The following ADCY5 variants were observed in gnomAD, a reference collection of about 807,000 sequenced individuals.
ADCY5 encodes the protein adenylate cyclase 5.
ADCY5 carries 30 observed loss-of-function variants against 119.7 expected under a neutral mutation model. The observed-to-expected ratio is 0.25, with a 90% CI of 0.19 to 0.34. The LOEUF (loss-of-function observed/expected upper bound fraction) is 0.34. Ranked by LOEUF, ADCY5 falls within the 10% of genes least tolerant of loss-of-function variation. The pLI is 1.00. For missense variants in ADCY5, 1,324 were observed against 1,775.2 expected (o/e 0.75, Z 4.57); for synonymous variants, 753 against 762.2 (o/e 0.99, Z 0.20).
intron 1 of ADCY5, among the ~76,000 whole-genome samples, chr3:123,389,701 A>C (rs937555779): frequency 6.6e-6 from 1 of 152,156 alleles, no homozygotes; most frequent in Non-Finnish European, 1.5e-5. Flanking sequence ...AGAAAAACCT[A>C]TAACTTTCCC....
chr3:123,291,830 G>A (rs1939173802), intron 17 of ADCY5, among the ~76,000 whole-genome samples: 2 of 152,226 alleles, frequency 1.3e-5, no homozygotes, highest in African/African-American at 4.8e-5. Context: ...TCAAAAGCCA[G>A]AGTTACCTTA....
intron 1 of ADCY5, among the ~76,000 whole-genome samples, chr3:123,406,085 G>A (rs760632048): frequency 2.0e-5 from 3 of 152,222 alleles, no homozygotes; most frequent in South Asian, 4.1e-4. Flanking sequence ...CCAATCCAGA[G>A]GCCATACTCC....
Position 123,319,740 on chromosome 3 carries a change from A to C in ADCY5, c.2190T>G (p.Asp730Glu). Residue 730 changes from aspartate to glutamate, a missense_variant, in exon 10 of 21, where the codon GAT becomes GAG. Around this residue, in one of 6 missense-constraint regions of ADCY5, gnomAD observed 424 missense variants for 546.8 expected, o/e 0.78. Transcript: ENST00000462833. ...TGCGGACGTGCTCAGACCGAAGCCT[A>C]TCAATGCTCCTGGCGTCAATGGCAC... ...LGRAIDARSIDRLRSEHVRKF... is the reference protein window; with the variant it reads ...LGRAIDARSIERLRSEHVRKF... The C allele has an allele frequency of 1.2e-6, 2 of 1,614,248 alleles. No individual in the cohort carries two copies. Among genetic ancestry groups the C allele is most frequent in the Non-Finnish European group, 1.7e-6 (2 of 1,180,034 alleles).
At chr3:123,346,599 G>C (rs1054081882) in intron 3 of ADCY5, among the ~76,000 whole-genome samples, 31 of 84,520 alleles carry the variant, frequency 3.7e-4, no homozygotes, top group African/African-American at 8.5e-4. Context: ...ACTGCTGTCA[G>C]CCTCACCTTC....
At chr3:123,413,978 T>C (rs1683781583) in intron 1 of ADCY5, among the ~76,000 whole-genome samples, 1 of 152,098 alleles carries the variant, frequency 6.6e-6, no homozygotes, top group South Asian at 2.1e-4. Context: ...CAGAAAGAAT[T>C]TGGGGAGATG....
rs961274789 is a variant in ADCY5, at chr3:123,284,374, A to T, written c.*234T>A. The T allele has an allele frequency of 1.7e-6, 1 of 575,346 alleles. No homozygotes were observed. The highest frequency in any genetic ancestry group is 1.9e-5 in the African/African-American group (1 of 53,142). 35.6% of individuals were successfully genotyped at this position (575,346 alleles called of 1,614,324 possible). A position where few individuals can be genotyped will look rare whatever the true frequency, so the allele number is the denominator to read the frequency against. ...GACCCAGTCTAGCAGAGTCTTCTAC[A>T]GAGGGAAACATCTTTGGTCAGCTGG... On this transcript the variant is annotated 3_prime_UTR_variant, in exon 21 of 21. Coordinates refer to ENST00000462833, the MANE Select transcript of ADCY5 (RefSeq NM_183357.3).
intron 10 of ADCY5, 123 bp downstream of exon 10, chr3:123,319,551 G>A (rs1166148534): frequency 3.2e-6 from 4 of 1,231,396 alleles, no homozygotes; most frequent in Non-Finnish European, 4.5e-6. Context: ...CATCAGAGCT[G>A]GGGAAACTGA....
intron 7 of ADCY5, among the ~76,000 whole-genome samples, chr3:123,326,417 G>A (rs1251057246): frequency 6.6e-6 from 1 of 152,184 alleles, no homozygotes; most frequent in Admixed American, 6.5e-5. Flanking sequence ...GCCTGCTTCA[G>A]CTGACATTGC....
chr3:123,364,744 T>C (rs1166230969), intron 1 of ADCY5, among the ~76,000 whole-genome samples: 1 of 152,096 alleles, frequency 6.6e-6, no homozygotes, highest in Admixed American at 6.6e-5. Flanking sequence ...AAAATGTACA[T>C]TCATTACGGA....
intron 1 of ADCY5, among the ~76,000 whole-genome samples, chr3:123,381,153 CTAT>C (rs953644484): frequency 2.2e-4 from 34 of 152,342 alleles, no homozygotes; most frequent in African/African-American, 8.2e-4. Context: ...TTCAGCTCTT[CTAT>C]TATTGGAGCG....
intron 1 of ADCY5, among the ~76,000 whole-genome samples, chr3:123,438,957 G>A (rs1429104834): frequency 6.6e-6 from 1 of 151,748 alleles, no homozygotes; most frequent in Non-Finnish European, 1.5e-5. Flanking sequence ...TCACTATTTT[G>A]CCCAGGCTGG....
At position 123,311,185 on chromosome 3, in the gene ADCY5, G is replaced by A. The variant is rs192440233; in HGVS notation, c.2442+3050C>T. On this transcript the variant is annotated intron_variant, in intron 12 of 20. Coordinates refer to ENST00000462833, the MANE Select transcript of ADCY5 (RefSeq NM_183357.3). ...GCATCTCATTGCAAAGCCACTCTCC[G>A]TGACTTCTGAGAGACTGGGAAAATG... Among the ~76,000 whole-genome samples the A allele has an allele frequency of 1.2e-3, 177 of 152,340 alleles. 1 individual carries two copies. The highest frequency in any genetic ancestry group is 3.9e-3 in the East Asian group (20 of 5,188).
chr3:123,347,876 G>A lies in ADCY5; in HGVS notation c.1312C>T (p.Arg438Cys). Residue 438 changes from arginine (R) to cysteine (C), a missense_variant, in exon 3 of 21, where the codon CGT (arginine) becomes TGT (cysteine). This residue lies in a region of ADCY5 where 123 missense variants were observed against 287.9 expected (regional missense o/e 0.43). Transcript: ENST00000462833. ...GCTTTCATCTCCATGGCAACATGAC[G>A]GGGAAGGACAGACAGCAGGAGCCGT... The part of the protein sequence containing the change: ...QERLLLSVLP[R>C]HVAMEMKADI... 1.2e-6 allele frequency: 2 copies of A among 1,614,086 alleles called. No individual in the cohort carries two copies. The highest frequency in any genetic ancestry group is 1.7e-6 in the Non-Finnish European group (2 of 1,180,022).
chr3:123,389,448 T>G (rs1944336409), intron 1 of ADCY5, among the ~76,000 whole-genome samples: 1 of 152,044 alleles, frequency 6.6e-6, no homozygotes, highest in Admixed American at 6.5e-5. Context: ...TTCAAACCAC[T>G]TTTTCCCAAT....
At chr3:123,304,041 T>C in intron 13 of ADCY5, 26 bp downstream of exon 13, 1 of 1,478,090 alleles carries the variant, frequency 6.8e-7, no homozygotes, top group South Asian at 1.1e-5. Flanking sequence ...GCTGCGGAGG[T>C]GCTAGGAGGT....
chr3:123,284,856 G>C, intron 20 of ADCY5, 120 bp from the exon 21 acceptor site: 2 of 1,376,410 alleles, frequency 1.5e-6, no homozygotes, highest in Non-Finnish European at 1.0e-6. Flanking sequence ...GAAGGAGAGG[G>C]GCAGCTGCCC....
At chr3:123,390,288 G>C (rs1412757835) in intron 1 of ADCY5, among the ~76,000 whole-genome samples, 1 of 152,240 alleles carries the variant, frequency 6.6e-6, no homozygotes, top group African/African-American at 2.4e-5. Flanking sequence ...GGATGTCAAA[G>C]CAGCCTTTAT....
chr3:123,395,595 C>T (rs1944516000), intron 1 of ADCY5, among the ~76,000 whole-genome samples: 1 of 152,118 alleles, frequency 6.6e-6, no homozygotes, highest in Non-Finnish European at 1.5e-5. Context: ...CCCATGTCAG[C>T]CAGGCATGGT....
intron 19 of ADCY5, among the ~76,000 whole-genome samples, chr3:123,288,722 T>G (rs1938945049): frequency 6.6e-6 from 1 of 152,132 alleles, no homozygotes; most frequent in Admixed American, 6.5e-5. Flanking sequence ...AAATAAAAGG[T>G]TGGGGGTAAT....
Sources: gnomAD v4.1 joint callset for allele counts (sites outside exome capture counted in the v4.1 genomes callset) on GRCh38, gnomAD v4.1.1 for gene constraint, gnomAD v4.1.1 regional missense constraint, MANE v1.5 for transcripts, NCBI Gene and HGNC (gene_info 2026-07-23, HGNC 2026-07-21) for gene names.